MRE11: variants seen among roughly 807,000 people sequenced by gnomAD.
MRE11 encodes the protein MRE11 double strand break repair nuclease, also known as double-strand break repair protein MRE11.
A neutral mutation model predicts 91.7 loss-of-function variants in MRE11; 62 were observed. That is an observed-to-expected ratio of 0.68 (90% CI 0.55 to 0.84). The LOEUF (loss-of-function observed/expected upper bound fraction) is 0.84, where lower values mean the gene tolerates loss of function less well. Ranked by LOEUF, MRE11 falls within the 40% of genes least tolerant of loss-of-function variation. The pLI is 0.00. For missense variants in MRE11, 796 were observed against 852.9 expected, an observed-to-expected ratio of 0.93 and a Z score of 0.83; for synonymous variants, 273 against 271.4, an observed-to-expected ratio of 1.01 and a Z score of -0.06.
At chr11:94,436,302 ATCTGTCCC>A (rs1285963232) in intron 17 of MRE11, among the ~76,000 whole-genome samples, 1 of 152,216 alleles carries the variant, frequency 6.6e-6, no homozygotes, top group African/African-American at 2.4e-5. Context: ...TTTCTGTTAA[ATCTGTCCC>A]TCTTAAATAC....
In MRE11 at chr11:94,429,929, A is replaced by G. The variant is rs367767415; in HGVS notation, c.2052T>C (p.Val684=). 30 of 1,613,590 alleles carry G rather than the reference A, an allele frequency of 1.9e-5. 1 individual carries two copies. In the African/African-American group the frequency reaches 3.5e-4, roughly 19 times the overall value. The change falls in exon 19 of 20, where the codon GTT becomes GTC. Residue 684 remains valine, a synonymous_variant. Transcript: ENST00000323929. ...TATTTACCTCACTTGATTCAAAATC[A>G]ACCCCTTTCGATACTTGACTCTGGG... ...IMSQSQVSKG[V]DFESSEDDDD...
intron 14 of MRE11, among the ~76,000 whole-genome samples, chr11:94,450,738 G>A (rs1056369265): frequency 6.6e-6 from 1 of 152,120 alleles, no homozygotes; most frequent in African/African-American, 2.4e-5. Context: ...CCTATAGCCT[G>A]CTAAGAATAA....
intron 9 of MRE11, among the ~76,000 whole-genome samples, chr11:94,469,247 A>C (rs934834455): frequency 3.3e-5 from 5 of 152,126 alleles, no homozygotes; most frequent in Non-Finnish European, 1.5e-5. Flanking sequence ...TTGCTTCTCT[A>C]AGGACATTTG....
chr11:94,444,122 T>C (rs1436426023), intron 16 of MRE11, among the ~76,000 whole-genome samples: 1 of 152,024 alleles, frequency 6.6e-6, no homozygotes, highest in Non-Finnish European at 1.5e-5. Context: ...TTGCCCAGAC[T>C]GGTTTCGATC....
intron 14 of MRE11, among the ~76,000 whole-genome samples, chr11:94,452,700 G>C (rs1283783472): frequency 6.6e-6 from 1 of 151,980 alleles, no homozygotes; most frequent in Admixed American, 6.6e-5. Context: ...TGTTATCTTT[G>C]GAATGTATTA....
chr11:94,496,230 T>C (rs752998517), upstream of MRE11, among the ~76,000 whole-genome samples: 1 of 152,228 alleles, frequency 6.6e-6, no homozygotes, highest in Non-Finnish European at 1.5e-5. Flanking sequence ...ATTTCTGCTC[T>C]ATATTATCTG....
chr11:94,443,675 G>A (rs541492886), intron 16 of MRE11, among the ~76,000 whole-genome samples: 1 of 152,166 alleles, frequency 6.6e-6, no homozygotes, highest in Admixed American at 6.5e-5. Context: ...TGCGCCTCAT[G>A]GGAGTGGCTG....
rs1353908342 is a variant in MRE11, at chr11:94,467,808, C to T, written c.1098+5G>A. On this transcript the variant is annotated splice_donor_5th_base_variant and intron_variant, in intron 10 of 19. Coordinates refer to ENST00000323929, the MANE Select transcript of MRE11 (RefSeq NM_005591.4). ...TAATATTCAATCTATATAAATAGGA[C>T]TTACTCGCAGTCGTACAAGAGGCTT... The T allele has an allele frequency of 6.2e-7, 1 of 1,604,582 alleles. No individual in the cohort carries two copies. The highest frequency in any genetic ancestry group is 8.5e-7 in the Non-Finnish European group (1 of 1,171,686).
At chr11:94,451,869 AC>A (rs904111195) in intron 14 of MRE11, among the ~76,000 whole-genome samples, 3 of 152,164 alleles carry the variant, frequency 2.0e-5, no homozygotes, top group Non-Finnish European at 4.4e-5. Flanking sequence ...GCACACACAC[AC>A]AAATGTGTTC....
At position 94,419,460 on chromosome 11, in the gene MRE11, G is replaced by T. The variant is rs889267716; in HGVS notation, c.*665C>A. ...GAAAGGAAGAGTGGGGAACGGGGGG[G>T]AGAGGGAGAGAGAGAGAGAGAGAGA... On this transcript the variant is annotated 3_prime_UTR_variant, in exon 20 of 20. Transcript: ENST00000323929. 4.6e-6 allele frequency: 1 copy of T among 217,510 alleles called. No individual in the cohort carries two copies. The highest frequency in any genetic ancestry group is 8.9e-6 in the Non-Finnish European group (1 of 112,232). The allele number at this position is 217,510 out of a possible 1,614,324, so 13.5% of individuals were successfully genotyped here.
intron 7 of MRE11, among the ~76,000 whole-genome samples, chr11:94,474,615 G>A (rs12786310): frequency 0.04 from 6,149 of 152,160 alleles, 301 homozygotes; most frequent in African/African-American, 0.11. Flanking sequence ...AAAGTTTAAG[G>A]TGAAACAGGA....
Position 94,419,465 on chromosome 11 carries a change from G to GGGGAGAGAGGGAGAGAGAGA in MRE11, c.*659_*660insTCTCTCTCTCCCTCTCTCCC. 2.3e-5 allele frequency: 5 copies of GGGGAGAGAGGGAGAGAGAGA among 214,888 alleles called. No individual in the cohort carries two copies. In the East Asian group the frequency reaches 3.2e-4, roughly 14 times the overall value. 13.3% of individuals were successfully genotyped at this position (214,888 alleles called of 1,614,324 possible). ...GAAGAGTGGGGAACGGGGGGGAGAGGGAGAGAGAGAGAGAGAGAGAGAGAG... is the reference window on the plus strand; with the variant it reads ...GAAGAGTGGGGAACGGGGGGGAGAGGGGGAGAGAGGGAGAGAGAGAGAGAGAGAGAGAGAGAGAGAGAGAG... On this transcript the variant is annotated 3_prime_UTR_variant, in exon 20 of 20. Transcript: ENST00000323929.
rs571265128 is a variant in MRE11, at chr11:94,491,357, T to A, written c.21-392A>T. Among the ~76,000 whole-genome samples the A allele has an allele frequency of 3.3e-5, 5 of 152,326 alleles. No individual in the cohort carries two copies. In the East Asian group the frequency reaches 7.7e-4, roughly 23 times the overall value. ...TCGAAGTTAATTTAAAAAGCCTTCC[T>A]CTAAGTTTATGAGTCAATTTTATAC... On this transcript the variant is annotated intron_variant, in intron 2 of 19. Transcript: ENST00000323929.
chr11:94,456,225 T>C (rs1946244683), intron 14 of MRE11, 51 bp downstream of exon 14: 1 of 1,526,172 alleles, frequency 6.6e-7, no homozygotes, highest in South Asian at 1.1e-5. Flanking sequence ...CTGGTTATTC[T>C]AGTTTAAGAA....
intron 14 of MRE11, among the ~76,000 whole-genome samples, chr11:94,448,562 G>C (rs1485372090): frequency 6.6e-6 from 1 of 152,016 alleles, no homozygotes; most frequent in Non-Finnish European, 1.5e-5. Context: ...AGTGAGCTGA[G>C]ATTGCACCAC....
At chr11:94,471,393 G>A (rs571439921) in intron 8 of MRE11, among the ~76,000 whole-genome samples, 181 bp downstream of exon 8, 27 of 151,942 alleles carry the variant, frequency 1.8e-4, no homozygotes, top group African/African-American at 6.5e-4. Flanking sequence ...TTTGAAAATG[G>A]CTTAAAATCT....
chr11:94,420,601 G>C (rs180906810), intron 19 of MRE11, among the ~76,000 whole-genome samples: 2 of 152,296 alleles, frequency 1.3e-5, no homozygotes, highest in East Asian at 3.9e-4. Flanking sequence ...CTCAGAAACA[G>C]CTGTAATTTT....
At chr11:94,498,565 C>A, upstream of MRE11, 1 of 1,538,970 alleles carries the variant, frequency 6.5e-7, no homozygotes, top group Non-Finnish European at 8.9e-7. Context: ...TTTCTAAATA[C>A]CAGTGCCTCC....
At chr11:94,421,362 G>A (rs1039568309) in intron 19 of MRE11, among the ~76,000 whole-genome samples, 161 of 152,286 alleles carry the variant, frequency 1.1e-3, no homozygotes, top group African/African-American at 3.6e-3. Context: ...AGTAATGGAT[G>A]CCTTAAGAAA....
Sources: allele counts gnomAD v4.1 joint callset (sites outside exome capture counted in the v4.1 genomes callset), GRCh38; gene constraint gnomAD v4.1.1; transcripts MANE v1.5; gene names NCBI Gene and HGNC (gene_info 2026-07-23, HGNC 2026-07-21).